The following AMPH variants were observed in gnomAD, a reference collection of about 807,000 sequenced individuals.
AMPH encodes the protein amphiphysin, also known as amphiphysin (Stiff-Mann syndrome with breast cancer 128kD autoantigen).
A neutral mutation model predicts 99.1 loss-of-function variants in AMPH; 49 were observed. That is an observed-to-expected ratio of 0.49 (90% CI 0.39 to 0.63). The LOEUF (loss-of-function observed/expected upper bound fraction) is 0.63. Among genes scored for constraint, AMPH ranks in the 20% least tolerant of loss-of-function variants. The pLI is 0.00. For synonymous variants in AMPH, 314 were observed against 317.3 expected (o/e 0.99, Z 0.11); for missense variants, 759 against 863.4 (o/e 0.88, Z 1.52).
intron 1 of AMPH, among the ~76,000 whole-genome samples, chr7:38,612,066 A>G (rs565677809): frequency 6.7e-6 from 1 of 148,334 alleles, no homozygotes; most frequent in Admixed American, 6.8e-5. Context: ...AACACTGCTA[A>G]GACTGATTTT....
chr7:38,542,661 A>C (rs1790847694), intron 1 of AMPH, among the ~76,000 whole-genome samples: 1 of 152,216 alleles, frequency 6.6e-6, no homozygotes, highest in Non-Finnish European at 1.5e-5. Flanking sequence ...CATTAGACCA[A>C]TAAAAGATGA....
At chr7:38,507,379 T>G (rs923555841) in intron 2 of AMPH, among the ~76,000 whole-genome samples, 1 of 152,158 alleles carries the variant, frequency 6.6e-6, no homozygotes, top group Non-Finnish European at 1.5e-5. Flanking sequence ...TCCCCATGAG[T>G]ATTTCGGTTT....
In AMPH at chr7:38,399,364, C is replaced by A. The variant is rs543812809; in HGVS notation, c.1399-5150G>T. 3.9e-5 allele frequency among the ~76,000 whole-genome samples: 6 copies of A among 152,300 alleles called. No individual in the cohort carries two copies. In the East Asian group the frequency reaches 1.2e-3, roughly 29 times the overall value. On this transcript the variant is annotated intron_variant, in intron 17 of 20. Transcript: ENST00000356264. Reference sequence around the variant, plus strand: ...GGGGGCATCAGTCCTCCCTTTATGTCTGGAATCTGGTCCAGATGTTTTGCT... The same window carrying A: ...GGGGGCATCAGTCCTCCCTTTATGTATGGAATCTGGTCCAGATGTTTTGCT...
intron 1 of AMPH, among the ~76,000 whole-genome samples, chr7:38,580,830 T>C (rs991562678): frequency 1.1e-4 from 16 of 152,238 alleles, no homozygotes; most frequent in Admixed American, 5.2e-4. Context: ...GGTATAAGTC[T>C]GTACTTTAAC....
rs57826652 is a variant in AMPH at position 38,401,730 on chromosome 7, T to A, written c.1399-7516A>T. On this transcript the variant is annotated intron_variant, in intron 17 of 20. Coordinates refer to ENST00000356264, the MANE Select transcript of AMPH (RefSeq NM_001635.4). ...CTAGATGCTTGCAGAACTTTTTTTT[T>A]AAACTTTAAACTCAAATATTTAAAA... Among the ~76,000 whole-genome samples, 72 of 152,292 alleles carry A rather than the reference T, an allele frequency of 4.7e-4. 3 individuals are homozygous for A. The East Asian group carries it at 0.012, about 26-fold the overall frequency.
chr7:38,477,538 T>C (rs2129015075), intron 5 of AMPH, among the ~76,000 whole-genome samples: 1 of 152,294 alleles, frequency 6.6e-6, no homozygotes, highest in East Asian at 1.9e-4. Context: ...ATTGTGCTAA[T>C]GGGCAAGCTC....
chr7:38,467,717 A>G (rs2129011041), intron 7 of AMPH, among the ~76,000 whole-genome samples: 1 of 152,062 alleles, frequency 6.6e-6, no homozygotes, highest in South Asian at 2.1e-4. Context: ...TATTAGAAAT[A>G]AGCAGCTTAT....
chr7:38,481,493 T>C (rs1226477930), intron 5 of AMPH, among the ~76,000 whole-genome samples: 4 of 152,302 alleles, frequency 2.6e-5, no homozygotes, highest in Admixed American at 2.6e-4. Context: ...TAGTTGCTCA[T>C]GCATGGCTGC....
intron 13 of AMPH, chr7:38,431,951 A>C (rs781485430): frequency 1.7e-6 from 1 of 571,706 alleles, no homozygotes; most frequent in African/African-American, 1.9e-5. Context: ...CTTGACCATT[A>C]TTCAAATTAT....
At chr7:38,465,030 T>A (rs1407737692) in intron 9 of AMPH, among the ~76,000 whole-genome samples, 1 of 152,202 alleles carries the variant, frequency 6.6e-6, no homozygotes, top group Non-Finnish European at 1.5e-5. Context: ...TCTCACCTAC[T>A]TCCTCTTTCC....
intron 11 of AMPH, among the ~76,000 whole-genome samples, chr7:38,450,591 A>T (rs2129002897): frequency 6.6e-6 from 1 of 152,208 alleles, no homozygotes; most frequent in Non-Finnish European, 1.5e-5. Context: ...TGCTTCTGGA[A>T]CTCTAGGGCT....
At chr7:38,572,279 C>T (rs1792073968) in intron 1 of AMPH, among the ~76,000 whole-genome samples, 1 of 152,000 alleles carries the variant, frequency 6.6e-6, no homozygotes, top group South Asian at 2.1e-4. Flanking sequence ...AAATCCTTAC[C>T]ACTGTCCTAC....
intron 7 of AMPH, 64 bp downstream of exon 7, chr7:38,475,267 G>C (rs1199826112): frequency 2.0e-6 from 2 of 1,023,910 alleles, no homozygotes; most frequent in Non-Finnish European, 3.0e-6. Context: ...GACAAGATAA[G>C]GGATATTCAC....
At chr7:38,565,738 C>T (rs78806140) in intron 1 of AMPH, among the ~76,000 whole-genome samples, 6 of 151,860 alleles carry the variant, frequency 4.0e-5, no homozygotes, top group African/African-American at 1.5e-4. Context: ...ATTCCCACGT[C>T]AGTGGGAGAT....
At chr7:38,576,277 A>G (rs965459709) in intron 1 of AMPH, among the ~76,000 whole-genome samples, 11 of 152,174 alleles carry the variant, frequency 7.2e-5, no homozygotes, top group Admixed American at 7.2e-4. Flanking sequence ...ACAACTTCTT[A>G]ATATTGAGCT....
At chr7:38,457,792 A>C (rs555560505) in intron 11 of AMPH, among the ~76,000 whole-genome samples, 3 of 152,340 alleles carry the variant, frequency 2.0e-5, no homozygotes, top group African/African-American at 4.8e-5. Context: ...AAAAGACAGA[A>C]TCCTAAGAAC....
intron 1 of AMPH, among the ~76,000 whole-genome samples, chr7:38,629,674 C>T (rs1210732780): frequency 6.6e-6 from 1 of 152,210 alleles, no homozygotes; most frequent in Non-Finnish European, 1.5e-5. Context: ...TGAAAAGCCT[C>T]AGACCGAAGA....
intron 2 of AMPH, among the ~76,000 whole-genome samples, chr7:38,527,373 C>T (rs1364503795): frequency 6.6e-6 from 1 of 152,190 alleles, no homozygotes; most frequent in African/African-American, 2.4e-5. Context: ...GTTGAGGCTT[C>T]AAATCCATGA....
intron 17 of AMPH, among the ~76,000 whole-genome samples, chr7:38,399,661 A>C (rs1000300742): frequency 6.6e-6 from 1 of 152,216 alleles, no homozygotes; most frequent in Non-Finnish European, 1.5e-5. Context: ...ACCTGCTAGG[A>C]AAAACCACAA....
Sources: gnomAD v4.1 joint callset for allele counts (sites outside exome capture counted in the v4.1 genomes callset) on GRCh38, gnomAD v4.1.1 for gene constraint, MANE v1.5 for transcripts, NCBI Gene and HGNC (gene_info 2026-07-23, HGNC 2026-07-21) for gene names.